PTK2B: variants seen among roughly 807,000 people sequenced by gnomAD.
PTK2B encodes the protein protein-tyrosine kinase 2-beta.
In PTK2B, 71 loss-of-function variants were observed where a neutral mutation model predicts 142.9. The ratio of observed to expected loss-of-function variants is 0.50; its 90% CI spans 0.41 to 0.61. The LOEUF (loss-of-function observed/expected upper bound fraction) is 0.61, where lower values mean the gene tolerates loss of function less well. Among genes scored for constraint, PTK2B ranks in the 20% least tolerant of loss-of-function variants. The pLI, the probability that PTK2B is intolerant of heterozygous loss-of-function variation, is 0.00. For synonymous variants in PTK2B, 519 were observed against 503.4 expected (o/e 1.03, Z -0.42); for missense variants, 1,105 against 1,320.4 (o/e 0.84, Z 2.53).
chr8:27,390,415 A>T (rs1807642816), intron 1 of PTK2B, among the ~76,000 whole-genome samples: 1 of 152,176 alleles, frequency 6.6e-6, no homozygotes, highest in Non-Finnish European at 1.5e-5. Flanking sequence ...AGGAAGGATC[A>T]CTTGAGGCCG....
intron 1 of PTK2B, among the ~76,000 whole-genome samples, chr8:27,390,468 C>T (rs1170836387): frequency 6.6e-6 from 1 of 151,876 alleles, no homozygotes; most frequent in East Asian, 1.9e-4. Flanking sequence ...AACCCTATCT[C>T]TATACAAAAT....
chr8:27,348,836 G>A (rs886632797), intron 1 of PTK2B, among the ~76,000 whole-genome samples: 1 of 152,018 alleles, frequency 6.6e-6, no homozygotes, highest in African/African-American at 2.4e-5. Context: ...CTCCCACGCA[G>A]CCCTGCCCTG....
Position 27,316,127 on chromosome 8 carries a change from C to G in PTK2B, c.-414+2840C>G, listed in dbSNP as rs560349935. Among the ~76,000 whole-genome samples, 70 of 152,302 alleles carry G rather than the reference C, an allele frequency of 4.6e-4. 1 individual carries two copies. The South Asian group carries it at 0.013, about 28-fold the overall frequency. ...TTCTGCAAGAGCTTACTCAAAAGTTCTCATAATCTCTAATTTCCTGCATCC... is the reference window on the plus strand; with the variant it reads ...TTCTGCAAGAGCTTACTCAAAAGTTGTCATAATCTCTAATTTCCTGCATCC... On this transcript the variant is annotated intron_variant, in intron 3 of 35. Transcript: ENST00000397501.
At chr8:27,327,708 A>G (rs553536283) in intron 1 of PTK2B, among the ~76,000 whole-genome samples, 1 of 152,350 alleles carries the variant, frequency 6.6e-6, no homozygotes, top group African/African-American at 2.4e-5. Context: ...TATACAGGTG[A>G]AGGAGTATGG....
intron 24 of PTK2B, among the ~76,000 whole-genome samples, chr8:27,449,296 A>C (rs951450154): frequency 5.9e-5 from 9 of 152,246 alleles, no homozygotes; most frequent in East Asian, 5.8e-4. Flanking sequence ...TAATGAATAA[A>C]TATTTCAGCA....
intron 1 of PTK2B, among the ~76,000 whole-genome samples, chr8:27,374,673 C>T (rs374497526): frequency 7.2e-5 from 11 of 152,196 alleles, no homozygotes; most frequent in Admixed American, 2.0e-4. Flanking sequence ...GAGGCAGTTG[C>T]GAGTGTGGGC....
At chr8:27,310,984 G>A (rs1300564905), upstream of PTK2B, 82 of 1,611,870 alleles carry the variant, frequency 5.1e-5, no homozygotes, top group Non-Finnish European at 7.0e-5. Context: ...CGGCCTCCTC[G>A]CGCAGCAGCT....
At chr8:27,431,189 G>T in intron 8 of PTK2B, 173 bp downstream of exon 8, 2 of 1,464,550 alleles carry the variant, frequency 1.4e-6, no homozygotes, top group Non-Finnish European at 1.8e-6. Flanking sequence ...CCTGAAGCAG[G>T]CACTGAAATG....
intron 1 of PTK2B, among the ~76,000 whole-genome samples, chr8:27,366,398 G>A (rs1352690318): frequency 2.0e-5 from 3 of 152,218 alleles, no homozygotes; most frequent in Non-Finnish European, 2.9e-5. Context: ...CAATCACCCA[G>A]GCGACATCCA....
intron 1 of PTK2B, among the ~76,000 whole-genome samples, chr8:27,393,797 C>A (rs190096637): frequency 6.6e-6 from 1 of 152,100 alleles, no homozygotes; most frequent in Non-Finnish European, 1.5e-5. Flanking sequence ...CCTCACCCCC[C>A]AGAGTGGCGC....
rs77429861 is a variant in PTK2B at position 27,338,612 on chromosome 8, T to C, written c.-38+12931T>C. On this transcript the variant is annotated intron_variant, in intron 1 of 30. Coordinates refer to ENST00000346049, the MANE Select transcript of PTK2B (RefSeq NM_173176.3). The stretch of plus-strand genomic sequence containing the variant: ...ATTATAGTATGGTGGTTGCTTTTCA[T>C]AAAAACCAATTCTTTTAAGTAACCT... Among the ~76,000 whole-genome samples the C allele has an allele frequency of 5.0e-3, 756 of 152,310 alleles. 3 individuals are homozygous for C. The highest frequency in any genetic ancestry group is 7.6e-3 in the Non-Finnish European group (519 of 68,018).
intron 2 of PTK2B, among the ~76,000 whole-genome samples, chr8:27,312,940 A>C (rs779416841): frequency 6.6e-6 from 1 of 152,234 alleles, no homozygotes; most frequent in Non-Finnish European, 1.5e-5. Flanking sequence ...ATGGGTCTGC[A>C]GCAACCTCAA....
At chr8:27,430,753 T>C in intron 7 of PTK2B, 123 bp from the exon 8 acceptor site, 1 of 1,367,576 alleles carries the variant, frequency 7.3e-7, no homozygotes, top group African/African-American at 1.4e-5. Context: ...TCACAGCTGC[T>C]TTTGGGGCAA....
At chr8:27,452,891 T>G in intron 27 of PTK2B, 1 of 584,650 alleles carries the variant, frequency 1.7e-6, no homozygotes, top group Non-Finnish European at 3.0e-6. Flanking sequence ...GCTGGGACTT[T>G]GCCTTTTTCT....
At chr8:27,360,194 T>C (rs1017543191) in intron 1 of PTK2B, among the ~76,000 whole-genome samples, 2 of 152,222 alleles carry the variant, frequency 1.3e-5, no homozygotes, top group Non-Finnish European at 2.9e-5. Flanking sequence ...TCACTTTCAT[T>C]TATTCAGTCA....
At chr8:27,430,805 C>G in intron 7 of PTK2B, 71 bp from the exon 8 acceptor site, 1 of 1,556,246 alleles carries the variant, frequency 6.4e-7, no homozygotes, top group South Asian at 1.2e-5. Context: ...AGTCTCTCAG[C>G]GAGACCCTAA....
chr8:27,387,816 G>C (rs1420849620), intron 1 of PTK2B, among the ~76,000 whole-genome samples: 1 of 130,582 alleles, frequency 7.7e-6, no homozygotes, highest in Admixed American at 8.1e-5. Context: ...ACTGGGGAAG[G>C]CTTTTTTTTT....
At chr8:27,449,281 T>G (rs1024356477) in intron 24 of PTK2B, among the ~76,000 whole-genome samples, 6 of 152,208 alleles carry the variant, frequency 3.9e-5, no homozygotes, top group African/African-American at 1.4e-4. Flanking sequence ...AATTGTTGAA[T>G]AGATTAATGA....
intron 1 of PTK2B, among the ~76,000 whole-genome samples, chr8:27,351,057 C>T (rs1393823786): frequency 2.5e-5 from 3 of 121,334 alleles, no homozygotes; most frequent in African/African-American, 9.8e-5. Context: ...TTGGAGCAGG[C>T]ACAGTGGTGC....
Sources: allele counts gnomAD v4.1 joint callset (sites outside exome capture counted in the v4.1 genomes callset), GRCh38; gene constraint gnomAD v4.1.1; transcripts MANE v1.5; gene names NCBI Gene and HGNC (gene_info 2026-07-23, HGNC 2026-07-21).